RASSF5: variants seen among roughly 807,000 people sequenced by gnomAD.
The protein encoded by RASSF5 is Ras association domain family member 5, also known as ras association domain-containing protein 5.
In RASSF5, 25 loss-of-function variants were observed where a neutral mutation model predicts 40.5. That is an observed-to-expected ratio of 0.62 (90% CI 0.45 to 0.86). RASSF5 has a LOEUF of 0.86. Ranked by LOEUF, RASSF5 falls within the 40% of genes least tolerant of loss-of-function variation. RASSF5 has a pLI of 0.00. For synonymous variants in RASSF5, 246 were observed against 252.4 expected (o/e 0.97, Z 0.24); for missense variants, 521 against 572.8 (o/e 0.91, Z 0.92).
chr1:206,550,068 AG>A (rs1667794717), intron 2 of RASSF5, among the ~76,000 whole-genome samples: 1 of 152,106 alleles, frequency 6.6e-6, no homozygotes, highest in African/African-American at 2.4e-5. Flanking sequence ...CCTCAGCTTC[AG>A]GGGGTTTTCC....
chr1:206,533,169 G>C (rs1193972794), intron 1 of RASSF5, among the ~76,000 whole-genome samples: 1 of 152,218 alleles, frequency 6.6e-6, no homozygotes, highest in Non-Finnish European at 1.5e-5. Flanking sequence ...CCATCTCCAA[G>C]CATAGGCCAC....
chr1:206,537,700 C>T (rs1176513209), intron 1 of RASSF5, among the ~76,000 whole-genome samples: 1 of 152,154 alleles, frequency 6.6e-6, no homozygotes, highest in Non-Finnish European at 1.5e-5. Context: ...GATTTTGGAG[C>T]ATCTTGGAGA....
chr1:206,571,585 G>T (rs9628705), intron 2 of RASSF5: 18 of 152,134 alleles, frequency 1.2e-4, no homozygotes, highest in African/African-American at 3.9e-4. Context: ...TAACACTAAC[G>T]TACAGAGAGT....
Position 206,531,287 on chromosome 1 carries a change from T to A in RASSF5, c.458-6885T>A, listed in dbSNP as rs544864298. Among the ~76,000 whole-genome samples, 5 of 152,288 alleles carry A rather than the reference T, an allele frequency of 3.3e-5. No homozygotes were observed. The South Asian group carries it at 8.3e-4, about 25-fold the overall frequency. On this transcript the variant is annotated intron_variant, in intron 1 of 5. Transcript: ENST00000579436. The surrounding 1 kb of genome is among the most constrained non-coding windows in gnomAD (Gnocchi z 4.7). ...TTGCTAGTGAATGGGCTTCCCAAAC[T>A]CGGAGCAGGGCCCAGAGCAAAGGGC...
rs192134865 is a variant in RASSF5 at position 206,510,923 on chromosome 1, G to T, written c.457+2864G>T. On this transcript the variant is annotated intron_variant, in intron 1 of 5. Coordinates refer to ENST00000579436, the MANE Select transcript of RASSF5 (RefSeq NM_182663.4). Reference sequence around the variant, plus strand: ...GTGGGTATGTGAGTGACATCTGTCTGCCCAGGAGACTGACACTGGGTGGGA... The same window carrying T: ...GTGGGTATGTGAGTGACATCTGTCTTCCCAGGAGACTGACACTGGGTGGGA... 6.6e-5 allele frequency among the ~76,000 whole-genome samples: 10 copies of T among 152,274 alleles called. No individual in the cohort carries two copies. The East Asian group carries it at 7.7e-4, about 12-fold the overall frequency.
At chr1:206,582,543 C>T (rs1476699889) in intron 2 of RASSF5, among the ~76,000 whole-genome samples, 2 of 152,218 alleles carry the variant, frequency 1.3e-5, no homozygotes, top group African/African-American at 4.8e-5. Flanking sequence ...AAGTACTTGG[C>T]ACAGAAGAAG....
intron 2 of RASSF5, chr1:206,542,516 C>A (rs189569933): frequency 2.0e-4 from 31 of 152,304 alleles, no homozygotes; most frequent in African/African-American, 7.2e-4. Context: ...TAAACCTTTT[C>A]TCTTTATAAA....
At position 206,507,891 on chromosome 1, in the gene RASSF5, G is replaced by A. The variant is rs1553394056; in HGVS notation, c.289G>A (p.Ala97Thr). 2.0e-6 allele frequency: 3 copies of A among 1,500,490 alleles called. No homozygotes were observed. The highest frequency in any genetic ancestry group is 2.7e-6 in the Non-Finnish European group (3 of 1,131,976). 92.9% of individuals were successfully genotyped at this position (1,500,490 alleles called of 1,614,324 possible). ...GCAGAGACTGCGGCGGCGGCCTGGA[G>A]CGCCCCGACCCCGCGACGTGCGGAG... ...LQQRLRRRPG[A>T]PRPRDVRSIF... is the part of the protein sequence containing the mutation. Residue 97 changes from alanine (A) to threonine (T), a missense_variant, in exon 1 of 6, where the codon GCG (alanine) becomes ACG (threonine). Ala to Thr is a moderately conservative substitution (Grantham distance 58, BLOSUM62 0). Coordinates refer to ENST00000579436, the MANE Select transcript of RASSF5 (RefSeq NM_182663.4).
chr1:206,570,078 CTTTTTTTTTTTTT>C (rs375900760), intron 2 of RASSF5, among the ~76,000 whole-genome samples: 4 of 119,378 alleles, frequency 3.4e-5, no homozygotes, highest in South Asian at 3.0e-4. Flanking sequence ...TAAAATTTAC[CTTTTTTTTTTTTT>C]TTTTTTTTTT....
intron 2 of RASSF5, chr1:206,557,455 C>G (rs1180491353): frequency 1.6e-5 from 23 of 1,470,570 alleles, no homozygotes; most frequent in Non-Finnish European, 1.2e-5. Context: ...CGGCTCGGGG[C>G]TCAGAGCTAG....
Position 206,538,186 on chromosome 1 carries a change from T to G in RASSF5, c.472T>G (p.Cys158Gly), listed in dbSNP as rs1212423666. 6.2e-7 allele frequency: 1 copy of G among 1,614,098 alleles called. No individual in the cohort carries two copies. Among genetic ancestry groups the G allele is most frequent in the Non-Finnish European group, 8.5e-7 (1 of 1,180,042 alleles). ...TTTACCTCCAGACTGTAAATTCACCTGTCACCCAGAATGCCGCAGCCTGAT... is the reference window on the plus strand; with the variant it reads ...TTTACCTCCAGACTGTAAATTCACCGGTCACCCAGAATGCCGCAGCCTGAT... ...ALRCTNCKFT[C>G]HPECRSLIQL... The change falls in exon 2 of 6, where the codon TGT becomes GGT. Residue 158 changes from cysteine to glycine, a missense_variant. By Grantham distance (159) the Cys-to-Gly change is radical. Coordinates refer to ENST00000579436, the MANE Select transcript of RASSF5 (RefSeq NM_182663.4).
Position 206,531,110 on chromosome 1 carries a change from G to A in RASSF5, c.458-7062G>A, listed in dbSNP as rs1667226875. 6.6e-6 allele frequency among the ~76,000 whole-genome samples: 1 copy of A among 152,220 alleles called. No homozygotes were observed. ...GTACTGCTATCATCTCCATTTAACA[G>A]ATGAGGAAACCAAGGCCACTAGAGG... On this transcript the variant is annotated intron_variant, in intron 1 of 5. Coordinates refer to ENST00000579436, the MANE Select transcript of RASSF5 (RefSeq NM_182663.4). This position sits in a 1 kb window ranked among gnomAD's most constrained non-coding sequence, Gnocchi z 4.7.
In RASSF5 at chr1:206,587,561, A is replaced by G. The variant is rs2102265336; in HGVS notation, c.*583A>G. 1 of 159,526 alleles carries G rather than the reference A, an allele frequency of 6.3e-6. No individual in the cohort carries two copies. Among genetic ancestry groups the G allele is most frequent in the South Asian group, 1.8e-4 (1 of 5,500 alleles). 9.9% of individuals were successfully genotyped at this position (159,526 alleles called of 1,614,324 possible). On this transcript the variant is annotated 3_prime_UTR_variant, in exon 6 of 6. Coordinates refer to ENST00000579436, the MANE Select transcript of RASSF5 (RefSeq NM_182663.4). Reference sequence around the variant, plus strand: ...GCTACTGGCCCCAGATGCTCAGGGTAAGGAGCACCAAAGCTGAGGCTGGCT... The same window carrying G: ...GCTACTGGCCCCAGATGCTCAGGGTGAGGAGCACCAAAGCTGAGGCTGGCT...
intron 1 of RASSF5, among the ~76,000 whole-genome samples, chr1:206,522,082 G>A (rs1486236499): frequency 2.6e-5 from 4 of 151,800 alleles, no homozygotes; most frequent in African/African-American, 7.3e-5. Context: ...TTCCCGTGGT[G>A]ATGATCAAAC....
intron 1 of RASSF5, among the ~76,000 whole-genome samples, chr1:206,512,315 T>C (rs1666639033): frequency 6.6e-6 from 1 of 152,080 alleles, no homozygotes; most frequent in Non-Finnish European, 1.5e-5. Flanking sequence ...AGCCCGTTTT[T>C]CCTCTCCTCC....
At position 206,587,174 on chromosome 1, in the gene RASSF5, G is replaced by A. The variant is rs1272723323; in HGVS notation, c.*196G>A. On this transcript the variant is annotated 3_prime_UTR_variant, in exon 6 of 6. Coordinates refer to ENST00000579436, the MANE Select transcript of RASSF5 (RefSeq NM_182663.4). Reference sequence around the variant, plus strand: ...TCAGCTGTGCCCGCCCCCAGGCTGTGCCCCACCACAGATTCTGCCAAGGAT... The same window carrying A: ...TCAGCTGTGCCCGCCCCCAGGCTGTACCCCACCACAGATTCTGCCAAGGAT... The A allele has an allele frequency of 5.0e-6, 3 of 605,018 alleles. No homozygotes were observed. In the African/African-American group the frequency reaches 5.5e-5, roughly 11 times the overall value. The allele number at this position is 605,018 out of a possible 1,614,324, so 37.5% of individuals were successfully genotyped here.
intron 2 of RASSF5, among the ~76,000 whole-genome samples, chr1:206,548,037 T>G (rs80340653): frequency 0.01 from 1,584 of 152,290 alleles, 32 homozygotes; most frequent in African/African-American, 0.036. Context: ...GGATAGAAAT[T>G]TCTAGGTTGG....
At chr1:206,586,036 T>G (rs1393706457) in intron 5 of RASSF5, 5 of 152,286 alleles carry the variant, frequency 3.3e-5, no homozygotes, top group African/African-American at 1.2e-4. Flanking sequence ...TGTGGAAAGC[T>G]CAGGCACTTT....
Position 206,583,367 on chromosome 1 carries a change from G to T in RASSF5, c.678G>T (p.Leu226=), listed in dbSNP as rs782494943. ...ACAACACGCGAGAGAAGAACTGCCT[G>T]GGCATGAAACTGGTAAGCGCCCGTC... ...DSYNTREKNC[L]GMKLSEDGTY... Residue 226 remains leucine, a synonymous_variant, in exon 3 of 6, where the codon CTG becomes CTT. Coordinates refer to ENST00000579436, the MANE Select transcript of RASSF5 (RefSeq NM_182663.4). The T allele has an allele frequency of 2.5e-6, 4 of 1,611,594 alleles. No homozygotes were observed. Among genetic ancestry groups the T allele is most frequent in the Non-Finnish European group, 3.4e-6 (4 of 1,177,932 alleles).
Sources: allele counts gnomAD v4.1 joint callset (sites outside exome capture counted in the v4.1 genomes callset), GRCh38; gene constraint gnomAD v4.1.1; non-coding constraint Gnocchi (gnomAD v3.1); transcripts MANE v1.5; gene names NCBI Gene and HGNC (gene_info 2026-07-23, HGNC 2026-07-21).